NSD2: variants seen among roughly 807,000 people sequenced by gnomAD.
The protein encoded by NSD2 is nuclear receptor binding SET domain protein 2, also known as histone-lysine N-methyltransferase NSD2.
NSD2 carries 12 observed loss-of-function variants against 139.0 expected under a neutral mutation model. That is an observed-to-expected ratio of 0.09 (90% CI 0.06 to 0.14). NSD2 has a LOEUF of 0.14. NSD2 is among the 10% of genes least tolerant of loss of function. NSD2 has a pLI of 1.00. For synonymous variants in NSD2, 669 were observed against 648.7 expected (o/e 1.03, Z -0.48); for missense variants, 1,155 against 1,745.0 (o/e 0.66, Z 6.02).
In NSD2 at chr4:1,981,902, A is replaced by G. The variant is rs549329830; in HGVS notation, c.*2993A>G. ...GTCCACGGGGTGTCACAGCCTCACCATACCCTGTTGAGGTGTGAAATGCCC... is the reference window on the plus strand; with the variant it reads ...GTCCACGGGGTGTCACAGCCTCACCGTACCCTGTTGAGGTGTGAAATGCCC... On this transcript the variant is annotated 3_prime_UTR_variant, in exon 22 of 22. Coordinates refer to ENST00000508803, the MANE Select transcript of NSD2 (RefSeq NM_001042424.3). 1 of 398,670 alleles carries G rather than the reference A, an allele frequency of 2.5e-6. No homozygotes were observed. Among genetic ancestry groups the G allele is most frequent in the East Asian group, 3.6e-5 (1 of 28,084 alleles). The allele number at this position is 398,670 out of a possible 1,614,324, so 24.7% of individuals were successfully genotyped here. A position where few individuals can be genotyped will look rare whatever the true frequency, so the allele number is the denominator to read the frequency against.
intron 8 of NSD2, 168 bp from the exon 9 acceptor site, chr4:1,939,486 G>A: frequency 1.4e-6 from 1 of 738,672 alleles, no homozygotes; most frequent in Non-Finnish European, 2.2e-6. Flanking sequence ...CAGTTTGTCT[G>A]CTTTTGTTTA....
At chr4:1,901,303 G>A in intron 2 of NSD2, 52 bp downstream of exon 2, 1 of 1,476,672 alleles carries the variant, frequency 6.8e-7, no homozygotes, top group Non-Finnish European at 9.1e-7. Flanking sequence ...CAGTGAGCAT[G>A]GCCACCCTAT....
At chr4:1,874,084 TAATC>T (rs1411965540) in intron 1 of NSD2, among the ~76,000 whole-genome samples, 3 of 152,250 alleles carry the variant, frequency 2.0e-5, no homozygotes, top group African/African-American at 7.2e-5. Flanking sequence ...AGTAAATAAT[TAATC>T]AGCAGCAACA....
At chr4:1,939,281 G>T in intron 8 of NSD2, 1 of 201,384 alleles carries the variant, frequency 5.0e-6, no homozygotes, top group Non-Finnish European at 1.0e-5. Flanking sequence ...TTAAGTGTGG[G>T]AGTAGCATTG....
Position 1,974,369 on chromosome 4 carries a change from C to T in NSD2, c.3373-494C>T. ...GAGATTACAGGCAGCCACCACCACG[C>T]CCAGCTAATTTTTTTTGTATTTTTA... is the stretch of plus-strand genomic sequence containing the variant. On this transcript the variant is annotated intron_variant, in intron 18 of 21. Transcript: ENST00000508803. This position sits in a 1 kb window ranked among gnomAD's most constrained non-coding sequence, Gnocchi z 4.0. 6.6e-6 allele frequency among the ~76,000 whole-genome samples: 1 copy of T among 152,060 alleles called. No individual in the cohort carries two copies. The highest frequency in any genetic ancestry group is 1.9e-4 in the East Asian group (1 of 5,202).
intron 1 of NSD2, among the ~76,000 whole-genome samples, chr4:1,897,317 C>CA (rs1202762045): frequency 1.3e-5 from 2 of 151,742 alleles, no homozygotes; most frequent in Non-Finnish European, 2.9e-5. Flanking sequence ...TCCATCTCTA[C>CA]AAAAAAAGGG....
At chr4:1,926,460 A>C (rs938357601) in intron 5 of NSD2, among the ~76,000 whole-genome samples, 2 of 150,074 alleles carry the variant, frequency 1.3e-5, no homozygotes, top group Non-Finnish European at 3.0e-5. Context: ...GTTTGGCTTG[A>C]ATTTTTAATT....
intron 5 of NSD2, among the ~76,000 whole-genome samples, chr4:1,920,639 G>GT (rs1719996704): frequency 6.6e-6 from 1 of 152,120 alleles, no homozygotes; most frequent in Admixed American, 6.5e-5. Flanking sequence ...GGAGGTTGAG[G>GT]TGGGAGGATT....
intron 1 of NSD2, among the ~76,000 whole-genome samples, chr4:1,894,225 G>A (rs1443519827): frequency 6.6e-6 from 1 of 152,144 alleles, no homozygotes; most frequent in African/African-American, 2.4e-5. Context: ...CCAAAGTGGT[G>A]GGATTACAGG....
In NSD2 at chr4:1,935,150, T is replaced by G. The variant is rs763599385; in HGVS notation, c.1562T>G (p.Val521Gly). Reference protein sequence around the residue: ...PVQAEEDSGNVNGKKRNHTKR... With the variant: ...PVQAEEDSGNGNGKKRNHTKR... The stretch of plus-strand genomic sequence containing the variant: ...CCCCATTCCCCATTCCAAGGTAATG[T>G]AAATGGGAAAAAAAGAAACCACACA... Residue 521 changes from valine to glycine, a missense_variant, in exon 7 of 22, where the codon GTA becomes GGA. Val to Gly is a moderately radical substitution (Grantham distance 109). Around this residue, in one of 8 missense-constraint regions of NSD2, gnomAD observed 420 missense variants for 469.0 expected, o/e 0.90. Transcript: ENST00000508803. 15 of 1,608,344 alleles carry G rather than the reference T, an allele frequency of 9.3e-6. No individual in the cohort carries two copies. The highest frequency in any genetic ancestry group is 1.3e-5 in the Non-Finnish European group (15 of 1,176,968).
At position 1,918,323 on chromosome 4, in the gene NSD2, G is replaced by C; in HGVS notation, c.1110G>C (p.Leu370Phe). The change falls in exon 5 of 22, where the codon TTG becomes TTC. Residue 370 changes from leucine (L) to phenylalanine (F), a missense_variant. Transcript: ENST00000508803. ...AGGCTGGCATTGCTGCAGAGTCTTTGGGAGAAATGGCAGAATCCTCAGGAG... is the reference window on the plus strand; with the variant it reads ...AGGCTGGCATTGCTGCAGAGTCTTTCGGAGAAATGGCAGAATCCTCAGGAG... ...AKEAGIAAES[L>F]GEMAESSGVS... The C allele has an allele frequency of 6.2e-7, 1 of 1,614,052 alleles. No individual in the cohort carries two copies. Among genetic ancestry groups the C allele is most frequent in the South Asian group, 1.1e-5 (1 of 91,068 alleles).
rs1306031531 is a variant in NSD2 at position 1,940,471 on chromosome 4, A to G, written c.1881+693A>G. 5 of 1,062,452 alleles carry G rather than the reference A, an allele frequency of 4.7e-6. No individual in the cohort carries two copies. In the East Asian group the frequency reaches 2.0e-4, roughly 43 times the overall value. 65.8% of individuals were successfully genotyped at this position (1,062,452 alleles called of 1,614,324 possible). ...CAAACCTAAATTTTTTGCCGTTGCC[A>G]AAAACAACAAATAGCCACAGAACGT... On this transcript the variant is annotated intron_variant, in intron 9 of 21. Transcript: ENST00000508803.
At chr4:1,947,980 T>C (rs1330914139) in intron 9 of NSD2, 15 of 1,056,808 alleles carry the variant, frequency 1.4e-5, no homozygotes, top group Middle Eastern at 8.4e-4. Flanking sequence ...AGCAGTTGGC[T>C]GGAATGTGTT....
At chr4:1,889,090 G>T (rs568622316) in intron 1 of NSD2, among the ~76,000 whole-genome samples, 3 of 151,574 alleles carry the variant, frequency 2.0e-5, no homozygotes, top group Admixed American at 6.6e-5. Context: ...TAGAGACGAG[G>T]TTTCGCCATT....
chr4:1,955,056 C>T lies in NSD2; in HGVS notation c.2339-105C>T, dbSNP rs1053030011. The T allele has an allele frequency of 1.6e-6, 2 of 1,216,100 alleles. No homozygotes were observed. The highest frequency in any genetic ancestry group is 2.3e-6 in the Non-Finnish European group (2 of 881,614). 75.3% of individuals were successfully genotyped at this position (1,216,100 alleles called of 1,614,324 possible). ...ATCAAATACCTCCATTTCATTTTAG[C>T]ATTAACTTTTCAAATTCATGGAGGC... On this transcript the variant is annotated intron_variant, in intron 12 of 21. Coordinates refer to ENST00000508803, the MANE Select transcript of NSD2 (RefSeq NM_001042424.3). The surrounding 1 kb of genome is among the most constrained non-coding windows in gnomAD (Gnocchi z 4.7).
intron 7 of NSD2, among the ~76,000 whole-genome samples, chr4:1,935,840 G>A (rs553652068): frequency 1.3e-5 from 2 of 151,702 alleles, no homozygotes; most frequent in South Asian, 2.1e-4. Flanking sequence ...CAGCCTGGGC[G>A]ACACAGCAAG....
rs911214231 is a variant in NSD2, at chr4:1,945,014, G to T, written c.1881+5236G>T. On this transcript the variant is annotated intron_variant, in intron 9 of 21. Coordinates refer to ENST00000508803, the MANE Select transcript of NSD2 (RefSeq NM_001042424.3). ...CCTTTCATGTCGTGAAAGGCAGAGGGTGACTGTGTGTGATGTGCAGAGTCC... is the reference window on the plus strand; with the variant it reads ...CCTTTCATGTCGTGAAAGGCAGAGGTTGACTGTGTGTGATGTGCAGAGTCC... The T allele has an allele frequency of 9.4e-6, 10 of 1,065,640 alleles. No homozygotes were observed. The African/African-American group carries it at 1.5e-4, about 16-fold the overall frequency. The allele number at this position is 1,065,640 out of a possible 1,614,324, so 66.0% of individuals were successfully genotyped here. A position where few individuals can be genotyped will look rare whatever the true frequency, so the allele number is the denominator to read the frequency against.
chr4:1,909,616 T>G (rs1018852890), intron 3 of NSD2, among the ~76,000 whole-genome samples: 1 of 152,012 alleles, frequency 6.6e-6, no homozygotes, highest in African/African-American at 2.4e-5. Flanking sequence ...ACTTTTATAT[T>G]TTTCTATCCT....
chr4:1,978,756 C>T lies in NSD2; in HGVS notation c.3945C>T (p.Cys1315=). The T allele has an allele frequency of 1.2e-6, 2 of 1,614,100 alleles. No homozygotes were observed. The highest frequency in any genetic ancestry group is 1.7e-6 in the Non-Finnish European group (2 of 1,179,972). Residue 1315 remains cysteine, a synonymous_variant, in exon 22 of 22, where the codon TGC becomes TGT. Coordinates refer to ENST00000508803, the MANE Select transcript of NSD2 (RefSeq NM_001042424.3). Reference sequence around the variant, plus strand: ...ACCAGGACGGGACAGCCTTCAGCTGCACCCCGGACGGGCGGTCCTACTGCT... The same window carrying T: ...ACCAGGACGGGACAGCCTTCAGCTGTACCCCGGACGGGCGGTCCTACTGCT... ...KEHQDGTAFS[C]TPDGRSYCCE...
Sources: gnomAD v4.1 joint callset for allele counts (sites outside exome capture counted in the v4.1 genomes callset) on GRCh38, gnomAD v4.1.1 for gene constraint, gnomAD v4.1.1 regional missense constraint, Gnocchi (gnomAD v3.1) non-coding constraint, MANE v1.5 for transcripts, NCBI Gene and HGNC (gene_info 2026-07-23, HGNC 2026-07-21) for gene names.